The following GPR155 variants were observed in gnomAD, a reference collection of about 807,000 sequenced individuals.
GPR155 encodes lysosomal cholesterol signaling protein.
A neutral mutation model predicts 93.1 loss-of-function variants in GPR155; 65 were observed. The ratio of observed to expected loss-of-function variants is 0.70; its 90% CI spans 0.57 to 0.86. The LOEUF (loss-of-function observed/expected upper bound fraction) is 0.86. GPR155 is among the 40% of genes least tolerant of loss of function. GPR155 has a pLI of 0.00. For synonymous variants in GPR155, 319 were observed against 360.1 expected (o/e 0.89, Z 1.29); for missense variants, 838 against 1,034.8 (o/e 0.81, Z 2.61).
intron 11 of GPR155, 69 bp from the exon 12 acceptor site, chr2:174,446,816 G>T: frequency 2.2e-6 from 3 of 1,393,522 alleles, no homozygotes; most frequent in South Asian, 2.4e-5. Flanking sequence ...AATTTGTAAT[G>T]ACTTCCTAAG....
chr2:174,440,797 A>G (rs539306001), intron 14 of GPR155, among the ~76,000 whole-genome samples: 1 of 152,258 alleles, frequency 6.6e-6, no homozygotes, highest in African/African-American at 2.4e-5. Flanking sequence ...GAGTATTACT[A>G]CTTGTTATTT....
At position 174,468,964 on chromosome 2, in the gene GPR155, T is replaced by C; in HGVS notation, c.1130A>G (p.Tyr377Cys). ...FPTMDPKPLA[Y>C]AIQNVSFDIS... Reference sequence around the variant, plus strand: ...ATCAAAACTAACATTCTGGATGGCATATGCCAATGGCTTAGGGTCCATAGT... The same window carrying C: ...ATCAAAACTAACATTCTGGATGGCACATGCCAATGGCTTAGGGTCCATAGT... Residue 377 changes from tyrosine to cysteine, a missense_variant, in exon 5 of 16, where the codon TAT becomes TGT. This residue lies in a region of GPR155 where 663 missense variants were observed against 790.1 expected (regional missense o/e 0.84). Coordinates refer to ENST00000392552, the MANE Select transcript of GPR155 (RefSeq NM_152529.7). 1.2e-6 allele frequency: 2 copies of C among 1,614,032 alleles called. No individual in the cohort carries two copies. Among genetic ancestry groups the C allele is most frequent in the Non-Finnish European group, 8.5e-7 (1 of 1,179,906 alleles).
rs1686736196 is a variant in GPR155, at chr2:174,435,074, T to TA, written c.*1041dup. The stretch of plus-strand genomic sequence containing the variant: ...TTTAAGGTCCATCTCCTGCTAGTAA[T>TA]ACACTTGCCAAATTTGATAATTTAT... On this transcript the variant is annotated 3_prime_UTR_variant, in exon 16 of 16. Coordinates refer to ENST00000392552, the MANE Select transcript of GPR155 (RefSeq NM_152529.7). The TA allele has an allele frequency of 6.6e-6, 1 of 152,246 alleles. No homozygotes were observed. The highest frequency in any genetic ancestry group is 2.4e-5 in the African/African-American group (1 of 41,462). The allele number at this position is 152,246 out of a possible 1,614,324, so 9.4% of individuals were successfully genotyped here. A position where few individuals can be genotyped will look rare whatever the true frequency, so the allele number is the denominator to read the frequency against.
chr2:174,469,088 A>G (rs2105721604), intron 4 of GPR155, 21 bp from the exon 5 acceptor site: 1 of 1,609,794 alleles, frequency 6.2e-7, no homozygotes, highest in Non-Finnish European at 8.5e-7. Context: ...GAAATCAAAC[A>G]GAGGAGTTAC....
intron 10 of GPR155, among the ~76,000 whole-genome samples, chr2:174,456,618 T>A (rs1687528086): frequency 1.3e-5 from 2 of 152,184 alleles, no homozygotes; most frequent in Non-Finnish European, 2.9e-5. Context: ...CTAGGTATAA[T>A]CTTGATGTAT....
chr2:174,484,290 G>C (rs948990332), intron 1 of GPR155, among the ~76,000 whole-genome samples: 1 of 152,192 alleles, frequency 6.6e-6, no homozygotes, highest in African/African-American at 2.4e-5. Flanking sequence ...ACACATACTT[G>C]AAGTAAGGAG....
At chr2:174,484,783 G>C (rs1173212373) in intron 1 of GPR155, among the ~76,000 whole-genome samples, 1 of 152,156 alleles carries the variant, frequency 6.6e-6, no homozygotes, top group Non-Finnish European at 1.5e-5. Flanking sequence ...AATTAGCTGA[G>C]CTTAGTCATG....
intron 11 of GPR155, among the ~76,000 whole-genome samples, chr2:174,453,518 G>A (rs982708718): frequency 3.3e-5 from 5 of 151,884 alleles, no homozygotes; most frequent in African/African-American, 1.2e-4. Flanking sequence ...AAATTAGCTG[G>A]GCATGGTGGT....
chr2:174,433,914 A>G lies in GPR155; in HGVS notation c.*2202T>C, dbSNP rs1686703059. 6.6e-6 allele frequency: 1 copy of G among 152,082 alleles called. No homozygotes were observed. Among genetic ancestry groups the G allele is most frequent in the South Asian group, 2.1e-4 (1 of 4,820 alleles). The allele number at this position is 152,082 out of a possible 1,614,324, so 9.4% of individuals were successfully genotyped here. ...GTAATTTTAAAAATTATATATTTTT[A>G]TACATGGACACTTTAAAAAGACTAA... On this transcript the variant is annotated 3_prime_UTR_variant, in exon 16 of 16. Coordinates refer to ENST00000392552, the MANE Select transcript of GPR155 (RefSeq NM_152529.7).
chr2:174,483,999 C>A (rs925674645), intron 1 of GPR155, among the ~76,000 whole-genome samples: 1 of 152,132 alleles, frequency 6.6e-6, no homozygotes, highest in Non-Finnish European at 1.5e-5. Flanking sequence ...AGGTTAAGTC[C>A]TCAAACATCT....
intron 2 of GPR155, among the ~76,000 whole-genome samples, chr2:174,481,193 T>A (rs534248694): frequency 4.2e-4 from 64 of 152,356 alleles, no homozygotes; most frequent in African/African-American, 1.5e-3. Flanking sequence ...TTTTTTAACA[T>A]AATTTAAATC....
intron 12 of GPR155, among the ~76,000 whole-genome samples, chr2:174,445,674 A>G (rs1291106083): frequency 2.0e-5 from 3 of 152,182 alleles, no homozygotes; most frequent in Non-Finnish European, 4.4e-5. Flanking sequence ...GACGAGTTAC[A>G]CTTGAACCAT....
chr2:174,455,062 G>C (rs1210099825), intron 10 of GPR155, among the ~76,000 whole-genome samples: 1 of 152,112 alleles, frequency 6.6e-6, no homozygotes. Context: ...AGAGGATTTT[G>C]TATGTTCCTA....
chr2:174,470,517 A>G lies in GPR155; in HGVS notation c.899T>C (p.Leu300Pro), dbSNP rs757284350. ...CACCACACTGTCGCCCTTGTCCAAGAGTTCCACCATTTCTCTGCACAGAAG... is the reference window on the plus strand; with the variant it reads ...CACCACACTGTCGCCCTTGTCCAAGGGTTCCACCATTTCTCTGCACAGAAG... ...LPLLCREMVE[L>P]LDKGDSVVNH... The change falls in exon 4 of 16, where the codon CTC becomes CCC. Residue 300 changes from leucine (L) to proline (P), a missense_variant. Transcript: ENST00000392552. 4 of 1,613,978 alleles carry G rather than the reference A, an allele frequency of 2.5e-6. No individual in the cohort carries two copies. Among genetic ancestry groups the G allele is most frequent in the South Asian group, 1.1e-5 (1 of 91,082 alleles).
In GPR155 at chr2:174,486,647, G is replaced by A. The variant is rs553633466; in HGVS notation, c.-32+226C>T. Among the ~76,000 whole-genome samples, 18 of 152,312 alleles carry A rather than the reference G, an allele frequency of 1.2e-4. No individual in the cohort carries two copies. The South Asian group carries it at 2.1e-3, about 18-fold the overall frequency. On this transcript the variant is annotated intron_variant, in intron 1 of 15. Coordinates refer to ENST00000392552, the MANE Select transcript of GPR155 (RefSeq NM_152529.7). ...TGGCAGTTCTGTCTCCGGAGGGGAC[G>A]AGACACCCCCTCCCCCGCGCGAGCC...
chr2:174,474,157 G>A (rs1170611954), intron 2 of GPR155, among the ~76,000 whole-genome samples: 1 of 152,182 alleles, frequency 6.6e-6, no homozygotes, highest in Non-Finnish European at 1.5e-5. Context: ...AATGAGGTCA[G>A]CAGGTAACAG....
At chr2:174,474,500 A>G (rs2105730761) in intron 2 of GPR155, among the ~76,000 whole-genome samples, 1 of 152,250 alleles carries the variant, frequency 6.6e-6, no homozygotes, top group South Asian at 2.1e-4. Flanking sequence ...TGGGAAAACA[A>G]AAGCTTCATT....
At chr2:174,470,826 A>G (rs1275156882) in intron 3 of GPR155, among the ~76,000 whole-genome samples, 3 of 152,188 alleles carry the variant, frequency 2.0e-5, no homozygotes, top group Non-Finnish European at 4.4e-5. Flanking sequence ...TCTACAAATA[A>G]TTTTTGTTTT....
At chr2:174,484,275 CAG>C (rs1411686059) in intron 1 of GPR155, among the ~76,000 whole-genome samples, 1 of 152,182 alleles carries the variant, frequency 6.6e-6, no homozygotes, top group Non-Finnish European at 1.5e-5. Context: ...CCGGTTGGTA[CAG>C]ATACACATAC....
Sources: allele counts gnomAD v4.1 joint callset (sites outside exome capture counted in the v4.1 genomes callset), GRCh38; gene constraint gnomAD v4.1.1; regional missense constraint gnomAD v4.1.1; transcripts MANE v1.5; gene names NCBI Gene and HGNC (gene_info 2026-07-23, HGNC 2026-07-21).